AKAP6: variants seen among roughly 807,000 people sequenced by gnomAD.
AKAP6 encodes A-kinase anchor protein 6.
AKAP6 carries 58 observed loss-of-function variants against 188.5 expected under a neutral mutation model. That is an observed-to-expected ratio of 0.31 (90% CI 0.25 to 0.38). The LOEUF (loss-of-function observed/expected upper bound fraction) is 0.38. AKAP6 is among the 10% of genes least tolerant of loss of function. AKAP6 has a pLI of 1.00. For synonymous variants in AKAP6, 989 were observed against 998.6 expected, an observed-to-expected ratio of 0.99 and a Z score of 0.18; for missense variants, 2,710 against 2,740.0, an observed-to-expected ratio of 0.99 and a Z score of 0.24.
At chr14:32,617,936 A>ATT (rs918830009) in intron 7 of AKAP6, among the ~76,000 whole-genome samples, 1 of 148,928 alleles carries the variant, frequency 6.7e-6, no homozygotes, top group Non-Finnish European at 1.5e-5. Context: ...CCTTCAGGTC[A>ATT]TTTTTTTTTT....
chr14:32,608,469 C>T (rs1409608689), intron 7 of AKAP6, among the ~76,000 whole-genome samples: 1 of 139,198 alleles, frequency 7.2e-6, no homozygotes, highest in African/African-American at 2.7e-5. Context: ...CACTGCACTC[C>T]AGCCTGAGTG....
intron 12 of AKAP6, among the ~76,000 whole-genome samples, chr14:32,800,101 T>C (rs2033896810): frequency 1.4e-5 from 2 of 146,022 alleles, no homozygotes; most frequent in South Asian, 4.2e-4. Context: ...AATATATATA[T>C]AGAAATATAT....
intron 11 of AKAP6, among the ~76,000 whole-genome samples, chr14:32,741,677 T>C (rs1009912983): frequency 1.3e-5 from 2 of 152,116 alleles, no homozygotes; most frequent in African/African-American, 4.8e-5. Flanking sequence ...TTGATTTGCA[T>C]ATGTTGAACC....
In AKAP6 at chr14:32,621,024, T is replaced by A. The variant is rs548181162; in HGVS notation, c.2730+20232T>A. On this transcript the variant is annotated intron_variant, in intron 7 of 13. Coordinates refer to ENST00000280979, the MANE Select transcript of AKAP6 (RefSeq NM_004274.5). ...TGGTCATAATGTCTCCATTTTCGTT[T>A]CTAATTGAGCTTATTCTTCTTTTGA... Among the ~76,000 whole-genome samples, 5 of 152,232 alleles carry A rather than the reference T, an allele frequency of 3.3e-5. No homozygotes were observed. In the South Asian group the frequency reaches 8.3e-4, roughly 25 times the overall value.
At chr14:32,735,957 G>A (rs2031401564) in intron 11 of AKAP6, 75 bp downstream of exon 11, 1 of 1,117,788 alleles carries the variant, frequency 8.9e-7, no homozygotes, top group African/African-American at 1.6e-5. Flanking sequence ...AGTACATGAA[G>A]TATTATACCC....
chr14:32,545,704 T>A lies in AKAP6; in HGVS notation c.1051T>A (p.Ser351Thr). Residue 351 changes from serine (S) to threonine (T), a missense_variant, in exon 4 of 14, where the codon TCC becomes ACC. Transcript: ENST00000280979. ...GACTGTGCAGCAAGAATCCAGTTCC[T>A]CCTCCCATCATGATGCAAAGAATCA... ...SETVQQESSSSSHHDAKNQQP... is the reference protein window; with the variant it reads ...SETVQQESSSTSHHDAKNQQP... The A allele has an allele frequency of 6.2e-7, 1 of 1,614,126 alleles. No individual in the cohort carries two copies. Among genetic ancestry groups the A allele is most frequent in the Non-Finnish European group, 8.5e-7 (1 of 1,180,006 alleles).
chr14:32,739,402 A>G (rs1341548284), intron 11 of AKAP6, among the ~76,000 whole-genome samples: 3 of 152,020 alleles, frequency 2.0e-5, no homozygotes, highest in African/African-American at 7.2e-5. Flanking sequence ...TTAGTTATTT[A>G]AAAATATACA....
intron 2 of AKAP6, among the ~76,000 whole-genome samples, chr14:32,510,469 T>C (rs1211528205): frequency 1.6e-5 from 2 of 128,656 alleles, no homozygotes; most frequent in East Asian, 4.1e-4. Context: ...TGTGTATATA[T>C]ATATATACAT....
intron 2 of AKAP6, among the ~76,000 whole-genome samples, chr14:32,477,595 T>C (rs964786287): frequency 2.0e-5 from 3 of 152,206 alleles, no homozygotes; most frequent in African/African-American, 7.2e-5. Context: ...CAAATGAATT[T>C]AGTGCTGCAA....
chr14:32,748,290 C>A (rs2031991317), intron 11 of AKAP6, among the ~76,000 whole-genome samples: 1 of 152,168 alleles, frequency 6.6e-6, no homozygotes, highest in Admixed American at 6.5e-5. Flanking sequence ...CCTAGCTCTA[C>A]CTCTTTCTGA....
At chr14:32,510,222 C>G (rs559492481) in intron 2 of AKAP6, among the ~76,000 whole-genome samples, 10 of 151,690 alleles carry the variant, frequency 6.6e-5, no homozygotes, top group African/African-American at 2.4e-4. Flanking sequence ...ATAATGCACT[C>G]ATCATTGCCT....
intron 11 of AKAP6, among the ~76,000 whole-genome samples, chr14:32,743,683 C>T (rs565775642): frequency 1.2e-3 from 189 of 152,268 alleles, no homozygotes; most frequent in African/African-American, 4.4e-3. Flanking sequence ...TAACTTCTTC[C>T]TCCTGCTTTT....
chr14:32,685,443 C>A (rs7149055), intron 8 of AKAP6, among the ~76,000 whole-genome samples: 11,150 of 151,614 alleles, frequency 0.074, 837 homozygotes, highest in East Asian at 0.42. Context: ...GAGGTCTGGC[C>A]GGGTGCGGTG....
chr14:32,541,649 G>A lies in AKAP6; in HGVS notation c.577-3581G>A, dbSNP rs139813406. Among the ~76,000 whole-genome samples the A allele has an allele frequency of 3.5e-3, 533 of 152,138 alleles. 4 individuals are homozygous for A. Among genetic ancestry groups the A allele is most frequent in the South Asian group, 0.026 (125 of 4,812 alleles). On this transcript the variant is annotated intron_variant, in intron 3 of 13. Transcript: ENST00000280979. The stretch of plus-strand genomic sequence containing the variant: ...ACAGAAAATCATGTTGCAAATTTCA[G>A]CTACATATTAATTTAAATAGGTTTT...
At chr14:32,394,914 C>T (rs565873454) in intron 1 of AKAP6, among the ~76,000 whole-genome samples, 6 of 152,150 alleles carry the variant, frequency 3.9e-5, no homozygotes, top group South Asian at 2.1e-4. Flanking sequence ...ACAAATTGTG[C>T]GTGTAAATAA....
chr14:32,371,648 T>A (rs1213935390), intron 1 of AKAP6, among the ~76,000 whole-genome samples: 2 of 152,098 alleles, frequency 1.3e-5, no homozygotes, highest in Non-Finnish European at 2.9e-5. Context: ...TGGTCTGCAG[T>A]AGAGGGAAAA....
At chr14:32,790,722 A>C (rs2033582371) in intron 12 of AKAP6, among the ~76,000 whole-genome samples, 1 of 152,106 alleles carries the variant, frequency 6.6e-6, no homozygotes, top group African/African-American at 2.4e-5. Flanking sequence ...TCTAGGTTTT[A>C]AGCCCCTCAT....
chr14:32,642,618 G>A (rs549152765), intron 7 of AKAP6, among the ~76,000 whole-genome samples: 32 of 152,174 alleles, frequency 2.1e-4, no homozygotes, highest in African/African-American at 6.0e-4. Flanking sequence ...AGTCTGTTTC[G>A]TTCATTCACC....
intron 1 of AKAP6, among the ~76,000 whole-genome samples, chr14:32,404,691 G>GATAGATAGATAGATATATATATAT: frequency 6.8e-5 from 3 of 44,438 alleles, no homozygotes; most frequent in East Asian, 1.1e-3. Context: ...GGAGTCAGGA[G>GATAGATAGATAGATATATATATAT]ATATATATAT....
Sources: gnomAD v4.1 joint callset for allele counts (sites outside exome capture counted in the v4.1 genomes callset) on GRCh38, gnomAD v4.1.1 for gene constraint, MANE v1.5 for transcripts, NCBI Gene and HGNC (gene_info 2026-07-23, HGNC 2026-07-21) for gene names.